STARD8: variants seen among roughly 807,000 people sequenced by gnomAD.
STARD8 encodes stAR-related lipid transfer protein 8.
In STARD8, 25 loss-of-function variants were observed where a neutral mutation model predicts 69.4. The ratio of observed to expected loss-of-function variants is 0.36; its 90% CI spans 0.26 to 0.50. STARD8 has a LOEUF of 0.50. Among genes scored for constraint, STARD8 ranks in the 20% least tolerant of loss-of-function variants. STARD8 has a pLI of 0.96. For synonymous variants in STARD8, 389 were observed against 374.6 expected, an observed-to-expected ratio of 1.04 and a Z score of -0.45; for missense variants, 921 against 932.5, an observed-to-expected ratio of 0.99 and a Z score of 0.16.
chrX:68,699,541 C>G (rs2079950148), intron 2 of STARD8, among the ~76,000 whole-genome samples: 2 of 111,608 alleles, frequency 1.8e-5, no homozygotes, highest in Admixed American at 1.9e-4. Context: ...CTTCAGGGAT[C>G]TGAGGATGGA....
chrX:68,665,435 A>G lies in STARD8; in HGVS notation c.46-64A>G, dbSNP rs951356627. The G allele has an allele frequency of 1.2e-5, 14 of 1,137,865 alleles. No individual in the cohort carries two copies. In the Admixed American group the frequency reaches 3.0e-4, roughly 24 times the overall value. The allele number at this position is 1,137,865 out of a possible 1,213,427, so 93.8% of individuals were successfully genotyped here. ...GTAGATCGAACTTGCTAACTTTAAGATCGCTTTCAGTTCAGATATTGCATC... is the reference window on the plus strand; with the variant it reads ...GTAGATCGAACTTGCTAACTTTAAGGTCGCTTTCAGTTCAGATATTGCATC... On this transcript the variant is annotated intron_variant, in intron 1 of 14. Transcript: ENST00000374599.
intron 1 of STARD8, among the ~76,000 whole-genome samples, chrX:68,648,610 A>C (rs1389618473): frequency 9.0e-6 from 1 of 111,637 alleles, no homozygotes; most frequent in African/African-American, 3.3e-5. Flanking sequence ...TTTTAAAAGA[A>C]GACAAAGAAG....
At chrX:68,683,705 C>T (rs1427441403) in intron 2 of STARD8, among the ~76,000 whole-genome samples, 1 of 112,555 alleles carries the variant, frequency 8.9e-6, no homozygotes, top group Non-Finnish European at 1.9e-5. Context: ...AAAGACATTC[C>T]CACTTGGAGC....
At position 68,647,815 on chromosome X, in the gene STARD8, T is replaced by TC; in HGVS notation, c.-64dup. 1 of 1,156,447 alleles carries TC rather than the reference T, an allele frequency of 8.6e-7. No individual in the cohort carries two copies. The highest frequency in any genetic ancestry group is 1.2e-6 in the Non-Finnish European group (1 of 862,794). Reference sequence around the variant, plus strand: ...GAGCCCCGGGCCTCTTTTAGCCTCGTCCCCAGAGAGGGAGGAGCCGGTGCC... The same window carrying TC: ...GAGCCCCGGGCCTCTTTTAGCCTCGTCCCCCAGAGAGGGAGGAGCCGGTGCC... On this transcript the variant is annotated 5_prime_UTR_variant, in exon 1 of 15. Coordinates refer to ENST00000374599, the MANE Select transcript of STARD8 (RefSeq NM_001142503.3).
Position 68,718,312 on chromosome X carries a change from T to C in STARD8, c.1398T>C (p.Ala466=). 8.3e-7 allele frequency: 1 copy of C among 1,210,065 alleles called. No individual in the cohort carries two copies. The highest frequency in any genetic ancestry group is 1.8e-5 in the South Asian group (1 of 56,738). The part of the protein sequence containing the change: ...AQAEVQPAVL[A]PAQAPAEAEP... ...CTGAAGTCCAGCCAGCAGTCCTGGC[T>C]CCGGCTCAGGCTCCAGCTGAGGCTG... is the stretch of plus-strand genomic sequence containing the variant. The change falls in exon 6 of 15, where the codon GCT becomes GCC. Residue 466 remains alanine, a synonymous_variant. Transcript: ENST00000374599.
At chrX:68,667,165 T>G (rs1390432397) in intron 2 of STARD8, among the ~76,000 whole-genome samples, 1 of 112,191 alleles carries the variant, frequency 8.9e-6, no homozygotes, top group East Asian at 2.8e-4. Flanking sequence ...TAAAGGCAAA[T>G]GGGAACACAT....
rs1262678661 is a variant in STARD8 at position 68,693,927 on chromosome X, TCTC to T, written c.80-18984_80-18982del. On this transcript the variant is annotated intron_variant, in intron 2 of 14. Coordinates refer to ENST00000374599, the MANE Select transcript of STARD8 (RefSeq NM_001142503.3). The stretch of plus-strand genomic sequence containing the variant: ...CTCTGGCGCGCTCCGGCTCGGCCCT[TCTC>T]CTAGCGGTTCCGCCGGGCGGCGTAC... 8.4e-5 allele frequency: 51 copies of T among 608,049 alleles called. No individual in the cohort carries two copies. The South Asian group carries it at 2.3e-3, about 28-fold the overall frequency. 50.1% of individuals were successfully genotyped at this position (608,049 alleles called of 1,213,427 possible).
chrX:68,711,453 T>C (rs62604446), intron 2 of STARD8, among the ~76,000 whole-genome samples: 3,277 of 111,512 alleles, frequency 0.029, 51 homozygotes, highest in Middle Eastern at 0.099. Context: ...TTGCATTCAC[T>C]CACAGAAATG....
At chrX:68,702,986 G>A (rs1164588027) in intron 2 of STARD8, among the ~76,000 whole-genome samples, 6 of 111,627 alleles carry the variant, frequency 5.4e-5, no homozygotes, top group Admixed American at 1.9e-4. Flanking sequence ...GACCAGGGGC[G>A]GTGGTGGCTC....
At chrX:68,691,848 A>G (rs774556550) in intron 2 of STARD8, among the ~76,000 whole-genome samples, 2 of 112,391 alleles carry the variant, frequency 1.8e-5, no homozygotes, top group East Asian at 5.6e-4. Flanking sequence ...AGATAAGTTG[A>G]CTTTGCTCAT....
intron 2 of STARD8, among the ~76,000 whole-genome samples, chrX:68,668,111 T>TTG (rs1290711165): frequency 1.0e-5 from 1 of 96,861 alleles, no homozygotes; most frequent in African/African-American, 4.0e-5. Flanking sequence ...CTTTCTTTCT[T>TTG]TCTGTCTTTC....
At chrX:68,694,395 A>C (rs2079903093) in intron 2 of STARD8, among the ~76,000 whole-genome samples, 1 of 112,503 alleles carries the variant, frequency 8.9e-6, no homozygotes, top group Non-Finnish European at 1.9e-5. Context: ...TCTCATCTTC[A>C]TAGGCCTCAT....
At chrX:68,677,155 A>T (rs924513869) in intron 2 of STARD8, among the ~76,000 whole-genome samples, 23 of 107,172 alleles carry the variant, frequency 2.1e-4, no homozygotes, top group East Asian at 2.9e-4. Context: ...CAAAAAAATT[A>T]AAAAAAAAAG....
At chrX:68,693,727 C>T in intron 2 of STARD8, 1 of 755,061 alleles carries the variant, frequency 1.3e-6, no homozygotes, top group Non-Finnish European at 1.6e-6. Context: ...GACCCCAGGC[C>T]CCGCGTGTGT....
chrX:68,672,125 T>A (rs777759950), intron 2 of STARD8, among the ~76,000 whole-genome samples: 4 of 111,682 alleles, frequency 3.6e-5, no homozygotes, highest in Non-Finnish European at 7.5e-5. Flanking sequence ...TGAAGCATCC[T>A]TTTTCATTCT....
At chrX:68,715,004 C>T (rs921501445) in intron 3 of STARD8, among the ~76,000 whole-genome samples, 1 of 111,897 alleles carries the variant, frequency 8.9e-6, no homozygotes, top group Non-Finnish European at 1.9e-5. Flanking sequence ...TGGGGGAGCC[C>T]GTGTTGGGCT....
chrX:68,698,880 C>T (rs2079943692), intron 2 of STARD8, among the ~76,000 whole-genome samples: 1 of 111,303 alleles, frequency 9.0e-6, no homozygotes, highest in Non-Finnish European at 1.9e-5. Flanking sequence ...AGTATGCCTC[C>T]CCACTCAAGA....
Position 68,718,540 on chromosome X carries a change from G to A in STARD8, c.1626G>A (p.Glu542=), listed in dbSNP as rs1473799677. The change falls in exon 6 of 15, where the codon GAG becomes GAA. Residue 542 remains glutamate, a synonymous_variant. Transcript: ENST00000374599. Reference sequence around the variant, plus strand: ...GTGGGAACTCCATGAATGAGGCTGAGGCTGCGGGGCCCCTGGCTGGACTCC... The same window carrying A: ...GTGGGAACTCCATGAATGAGGCTGAAGCTGCGGGGCCCCTGGCTGGACTCC... ...DSSGNSMNEA[E]AAGPLAGLQA... 8.3e-7 allele frequency: 1 copy of A among 1,210,957 alleles called. No individual in the cohort carries two copies. Among genetic ancestry groups the A allele is most frequent in the Admixed American group, 2.2e-5 (1 of 45,960 alleles).
At chrX:68,705,660 C>G (rs1233639087) in intron 2 of STARD8, among the ~76,000 whole-genome samples, 3 of 112,506 alleles carry the variant, frequency 2.7e-5, no homozygotes, top group African/African-American at 9.7e-5. Context: ...AGGCAGAGGC[C>G]AACCCTCAGG....
Sources: allele counts gnomAD v4.1 joint callset (sites outside exome capture counted in the v4.1 genomes callset), GRCh38; gene constraint gnomAD v4.1.1; transcripts MANE v1.5; gene names NCBI Gene and HGNC (gene_info 2026-07-23, HGNC 2026-07-21).